Variants in ZFAT observed in about 807,000 individuals in gnomAD.
The protein encoded by ZFAT is zinc finger protein ZFAT.
In ZFAT, 64 loss-of-function variants were observed where a neutral mutation model predicts 117.7. The observed-to-expected ratio is 0.54, with a 90% CI of 0.44 to 0.67. ZFAT has a LOEUF of 0.67. Ranked by LOEUF, ZFAT falls within the 30% of genes least tolerant of loss-of-function variation. The pLI is 0.00. For missense variants in ZFAT, 1,433 were observed against 1,584.5 expected (o/e 0.90, Z 1.62); for synonymous variants, 679 against 615.0 (o/e 1.10, Z -1.54).
chr8:134,522,958 C>G (rs1820768425), intron 12 of ZFAT, among the ~76,000 whole-genome samples: 1 of 152,200 alleles, frequency 6.6e-6, no homozygotes, highest in African/African-American at 2.4e-5. Flanking sequence ...TTCTGTCCCT[C>G]TGCTCCTGCC....
the ZFAT span, among the ~76,000 whole-genome samples, chr8:134,769,667 C>T: frequency 6.6e-6 from 1 of 152,088 alleles, no homozygotes; most frequent in South Asian, 2.1e-4. Flanking sequence ...CCAGTAGGGA[C>T]TCTGTGTGGG....
At chr8:134,687,329 A>G (rs1321521467) in intron 1 of ZFAT, among the ~76,000 whole-genome samples, 1 of 152,220 alleles carries the variant, frequency 6.6e-6, no homozygotes, top group Admixed American at 6.5e-5. Context: ...AACAAAATAA[A>G]ATGAGAAATA....
intron 3 of ZFAT, among the ~76,000 whole-genome samples, chr8:134,614,895 T>A (rs999236857): frequency 6.6e-6 from 1 of 152,106 alleles, no homozygotes; most frequent in Non-Finnish European, 1.5e-5. Context: ...CTCTAAATTC[T>A]AAGGCCCTCA....
the ZFAT span, among the ~76,000 whole-genome samples, chr8:134,821,029 C>T: frequency 6.6e-6 from 1 of 152,192 alleles, no homozygotes; most frequent in African/African-American, 2.4e-5. Context: ...TGAAGTTCTA[C>T]ATGTGCCAAT....
chr8:134,533,006 G>A (rs1385673758), intron 11 of ZFAT, 34 bp from the exon 12 acceptor site: 3 of 1,577,338 alleles, frequency 1.9e-6, no homozygotes, highest in Non-Finnish European at 8.6e-7. Flanking sequence ...TAGGAAAGGT[G>A]AGCCCCAGAT....
intron 1 of ZFAT, among the ~76,000 whole-genome samples, chr8:134,686,166 A>C (rs1007016627): frequency 5.3e-5 from 8 of 152,226 alleles, no homozygotes; most frequent in African/African-American, 1.9e-4. Flanking sequence ...CCACCTGGCC[A>C]ATTCTCAACC....
intron 4 of ZFAT, 25 bp from the exon 5 acceptor site, chr8:134,608,904 C>T: frequency 6.3e-7 from 1 of 1,591,742 alleles, no homozygotes; most frequent in Non-Finnish European, 8.5e-7. Context: ...AAAGGCATTG[C>T]TTATTGAGAG....
the ZFAT span, among the ~76,000 whole-genome samples, chr8:134,769,033 G>A: frequency 6.6e-6 from 1 of 152,136 alleles, no homozygotes; most frequent in Admixed American, 6.5e-5. Context: ...TTAGCCAGGT[G>A]TGGTGGGGTG....
intron 7 of ZFAT, among the ~76,000 whole-genome samples, chr8:134,590,792 C>T (rs28531930): frequency 0.038 from 4,746 of 125,270 alleles, 272 homozygotes; most frequent in African/African-American, 0.13. Flanking sequence ...GCACTGCCAC[C>T]ATCACCACCA....
chr8:134,535,602 C>T (rs1416016246), intron 11 of ZFAT, among the ~76,000 whole-genome samples: 1 of 151,470 alleles, frequency 6.6e-6, no homozygotes, highest in Non-Finnish European at 1.5e-5. Context: ...ACTCTGGTTA[C>T]CGGATGCTTT....
chr8:134,678,329 A>G (rs1832905019), intron 1 of ZFAT, among the ~76,000 whole-genome samples: 1 of 152,152 alleles, frequency 6.6e-6, no homozygotes, highest in African/African-American at 2.4e-5. Context: ...TCATGAGTGA[A>G]CTCCCATTCA....
At chr8:134,585,117 G>A (rs1288686242) in intron 9 of ZFAT, among the ~76,000 whole-genome samples, 2 of 152,156 alleles carry the variant, frequency 1.3e-5, no homozygotes, top group Non-Finnish European at 2.9e-5. Flanking sequence ...AAAATGACAG[G>A]ACCAGGAATC....
intron 15 of ZFAT, among the ~76,000 whole-genome samples, chr8:134,488,049 G>T (rs559800887): frequency 6.6e-6 from 1 of 152,228 alleles, no homozygotes; most frequent in Non-Finnish European, 1.5e-5. Context: ...ATAAGAGAGA[G>T]TTAGAGAGCG....
At chr8:134,569,636 A>G (rs940876876) in intron 10 of ZFAT, among the ~76,000 whole-genome samples, 1 of 152,074 alleles carries the variant, frequency 6.6e-6, no homozygotes, top group African/African-American at 2.4e-5. Flanking sequence ...ATGGGGAGGT[A>G]ATCCCCATCT....
chr8:134,742,362 G>A, the ZFAT span, among the ~76,000 whole-genome samples: 1 of 152,118 alleles, frequency 6.6e-6, no homozygotes, highest in East Asian at 1.9e-4. Context: ...CCAGGTGAGA[G>A]CAGCAATGCT....
chr8:134,478,626 C>T lies in ZFAT; in HGVS notation c.3588G>A (p.Val1196=), dbSNP rs1347492693. 6.3e-7 allele frequency: 1 copy of T among 1,586,038 alleles called. No homozygotes were observed. Among genetic ancestry groups the T allele is most frequent in the East Asian group, 2.3e-5 (1 of 43,004 alleles). The change falls in exon 16 of 16, where the codon GTG becomes GTA. Residue 1196 remains valine (V), a synonymous_variant. Transcript: ENST00000377838. This position sits in a 1 kb window ranked among gnomAD's most constrained non-coding sequence, Gnocchi z 5.2. The part of the protein sequence containing the change: ...SVELAEQHHL[V]VSSDDVEGIE... ...TGCCCTCCACGTCGTCGGAGGACAC[C>T]ACCAGGTGGTGCTGCTCGGCAAGCT... is the stretch of plus-strand genomic sequence containing the variant.
the ZFAT span, among the ~76,000 whole-genome samples, chr8:134,733,756 C>T: frequency 2.6e-5 from 4 of 152,206 alleles, no homozygotes; most frequent in Admixed American, 6.5e-5. Flanking sequence ...CTTGGTAGGT[C>T]ACCGTGCCAT....
At chr8:134,829,435 A>AT in the ZFAT span, among the ~76,000 whole-genome samples, 1 of 152,240 alleles carries the variant, frequency 6.6e-6, no homozygotes, top group Non-Finnish European at 1.5e-5. Context: ...TAGGTGGCAT[A>AT]TAAGTGGAAC....
At chr8:134,588,181 T>C in intron 9 of ZFAT, 65 bp downstream of exon 9, 1 of 1,493,074 alleles carries the variant, frequency 6.7e-7, no homozygotes, top group Non-Finnish European at 8.9e-7. Flanking sequence ...CTTAATGTAC[T>C]CCCAAAATGA....
Sources: allele counts gnomAD v4.1 joint callset (sites outside exome capture counted in the v4.1 genomes callset), GRCh38; gene constraint gnomAD v4.1.1; non-coding constraint Gnocchi (gnomAD v3.1); transcripts MANE v1.5; gene names NCBI Gene and HGNC (gene_info 2026-07-23, HGNC 2026-07-21).